Variants in GTF2I observed in about 807,000 individuals in gnomAD.
GTF2I encodes the protein general transcription factor IIi.
In GTF2I, 12 loss-of-function variants were observed where a neutral mutation model predicts 67.6. The ratio of observed to expected loss-of-function variants is 0.18; its 90% CI spans 0.11 to 0.29. The LOEUF is 0.29. Among genes scored for constraint, GTF2I ranks in the 10% least tolerant of loss-of-function variants. GTF2I has a pLI of 1.00. For missense variants in GTF2I, 271 were observed against 580.1 expected, an observed-to-expected ratio of 0.47 and a Z score of 5.47; for synonymous variants, 149 against 197.0, an observed-to-expected ratio of 0.76 and a Z score of 2.04.
intron 1 of GTF2I, among the ~76,000 whole-genome samples, chr7:74,673,141 T>C (rs68008267): frequency 0.86 from 130,739 of 152,150 alleles, 56,448 homozygotes; most frequent in East Asian, 0.98. Flanking sequence ...ATTACAGGCC[T>C]GAGCCACTGC....
intron 3 of GTF2I, among the ~76,000 whole-genome samples, chr7:74,693,511 A>G (rs1452665609): frequency 7.2e-5 from 11 of 151,954 alleles, no homozygotes; most frequent in African/African-American, 2.7e-4. Context: ...GTCCCCCATC[A>G]TTCCCTTTCC....
intron 9 of GTF2I, 42 bp from the exon 10 acceptor site, chr7:74,714,815 T>TTG: frequency 7.3e-7 from 1 of 1,371,682 alleles, no homozygotes; most frequent in Non-Finnish European, 1.0e-6. Flanking sequence ...CATTTTTTTT[T>TTG]GGGGGGGATT....
chr7:74,707,006 C>G (rs1401914086), intron 8 of GTF2I, among the ~76,000 whole-genome samples: 3 of 152,178 alleles, frequency 2.0e-5, no homozygotes, highest in Non-Finnish European at 4.4e-5. Context: ...TACGCCATCA[C>G]GCACGACTAA....
intron 1 of GTF2I, among the ~76,000 whole-genome samples, chr7:74,659,072 T>C (rs1178009251): frequency 1.3e-5 from 2 of 150,964 alleles, no homozygotes; most frequent in Non-Finnish European, 3.0e-5. Context: ...TCTTGCTGAC[T>C]ACTGACCTCC....
At position 74,707,366 on chromosome 7, in the gene GTF2I, G is replaced by A. The variant is rs587633097; in HGVS notation, c.685+933G>A. On this transcript the variant is annotated intron_variant, in intron 8 of 34. Coordinates refer to ENST00000573035, the MANE Select transcript of GTF2I (RefSeq NM_032999.4). ...TCTCCCTCTGTCTGACCAGGCCCTC[G>A]GCAGCTTCCCCAGCCCCTTCCCCGG... Among the ~76,000 whole-genome samples, 130 of 152,154 alleles carry A rather than the reference G, an allele frequency of 8.5e-4. No individual in the cohort carries two copies. The South Asian group carries it at 0.02, about 24-fold the overall frequency.
At chr7:74,705,312 C>T (rs1211605549) in intron 7 of GTF2I, 94 bp downstream of exon 7, 3 of 760,830 alleles carry the variant, frequency 3.9e-6, no homozygotes, top group Non-Finnish European at 6.9e-6. Flanking sequence ...AAAAAGGCCT[C>T]ATGTCACACA....
At chr7:74,662,204 C>CTTTTTT (rs59914241) in intron 1 of GTF2I, among the ~76,000 whole-genome samples, 3 of 82,596 alleles carry the variant, frequency 3.6e-5, no homozygotes, top group Non-Finnish European at 6.5e-5. Flanking sequence ...TTTTTTCTTT[C>CTTTTTT]TTTTTTTTTT....
intron 6 of GTF2I, 22 bp from the exon 7 acceptor site, chr7:74,705,141 CA>C: frequency 1.4e-5 from 20 of 1,477,176 alleles, no homozygotes; most frequent in Non-Finnish European, 1.9e-5. Context: ...AAACTAACTC[CA>C]ATTTTTTTTT....
intron 3 of GTF2I, among the ~76,000 whole-genome samples, chr7:74,692,305 C>T (rs1458740915): frequency 1.3e-5 from 2 of 150,708 alleles, no homozygotes; most frequent in African/African-American, 2.4e-5. Context: ...GAGCTCCTGA[C>T]CCGAGGAGCC....
chr7:74,712,762 C>G (rs1296438169), intron 9 of GTF2I, among the ~76,000 whole-genome samples: 1 of 149,986 alleles, frequency 6.7e-6, no homozygotes, highest in Non-Finnish European at 1.5e-5. Flanking sequence ...TTGCCGGGTT[C>G]AAGCAATTCT....
chr7:74,703,431 G>A (rs1790106083), intron 6 of GTF2I, among the ~76,000 whole-genome samples: 1 of 149,698 alleles, frequency 6.7e-6, no homozygotes, highest in African/African-American at 2.5e-5. Flanking sequence ...CCAGGCTGGA[G>A]TGCGGTGGCA....
In GTF2I at chr7:74,691,167, T is replaced by C. The variant is rs587699630; in HGVS notation, c.238+56T>C. ...CATTAATTTTAAGCCTAAATATTTG[T>C]AGGTAAGACAAGTTATATTATTTTC... On this transcript the variant is annotated intron_variant, in intron 3 of 34. Coordinates refer to ENST00000573035, the MANE Select transcript of GTF2I (RefSeq NM_032999.4). The C allele has an allele frequency of 4.0e-6, 5 of 1,241,572 alleles. No homozygotes were observed. In the Admixed American group the frequency reaches 8.8e-5, roughly 22 times the overall value. 76.9% of individuals were successfully genotyped at this position (1,241,572 alleles called of 1,614,324 possible).
At position 74,704,255 on chromosome 7, in the gene GTF2I, A is replaced by T. The variant is rs1025756749; in HGVS notation, c.587-909A>T. Reference sequence around the variant, plus strand: ...TTTCAGACTTAAAAGTTTTTTTTAAACTTAATTATTATTTTTATTTATTTA... The same window carrying T: ...TTTCAGACTTAAAAGTTTTTTTTAATCTTAATTATTATTTTTATTTATTTA... On this transcript the variant is annotated intron_variant, in intron 6 of 34. Coordinates refer to ENST00000573035, the MANE Select transcript of GTF2I (RefSeq NM_032999.4). Among the ~76,000 whole-genome samples, 27 of 109,518 alleles carry T rather than the reference A, an allele frequency of 2.5e-4. 1 individual carries two copies. The South Asian group carries it at 3.5e-3, about 14-fold the overall frequency. 71.8% of individuals were successfully genotyped at this position (109,518 alleles called of 152,430 possible). A position where few individuals can be genotyped will look rare whatever the true frequency, so the allele number is the denominator to read the frequency against.
intron 3 of GTF2I, among the ~76,000 whole-genome samples, chr7:74,697,701 C>G (rs1729655896): frequency 6.6e-6 from 1 of 152,174 alleles, no homozygotes; most frequent in African/African-American, 2.4e-5. Flanking sequence ...TTTCATATTA[C>G]TTTCATTCAT....
At position 74,661,783 on chromosome 7, in the gene GTF2I, C is replaced by T. The variant is rs118077281; in HGVS notation, c.-6+3715C>T. Among the ~76,000 whole-genome samples, 951 of 152,200 alleles carry T rather than the reference C, an allele frequency of 6.2e-3. 8 individuals are homozygous for T. The highest frequency in any genetic ancestry group is 0.054 in the Middle Eastern group (16 of 294). Reference sequence around the variant, plus strand: ...GCTGAGAGTTGAGAATTCCTGTTAGCCATGATTAGAAAAGTTAAAAGTTTC... The same window carrying T: ...GCTGAGAGTTGAGAATTCCTGTTAGTCATGATTAGAAAAGTTAAAAGTTTC... On this transcript the variant is annotated intron_variant, in intron 1 of 34. Transcript: ENST00000573035.
rs587730369 is a variant in GTF2I at position 74,664,904 on chromosome 7, C to T, written c.-6+6836C>T. On this transcript the variant is annotated intron_variant, in intron 1 of 34. Transcript: ENST00000573035. The stretch of plus-strand genomic sequence containing the variant: ...CCTTGCCGTTTCCTGCCTGTGCGAC[C>T]TTGGGCATTTCACTTCATCTTTGTA... 2.0e-5 allele frequency among the ~76,000 whole-genome samples: 3 copies of T among 151,982 alleles called. No individual in the cohort carries two copies. In the South Asian group the frequency reaches 6.2e-4, roughly 32 times the overall value.
At chr7:74,704,978 A>C (rs1277514174) in intron 6 of GTF2I, among the ~76,000 whole-genome samples, 186 bp from the exon 7 acceptor site, 2 of 152,124 alleles carry the variant, frequency 1.3e-5, no homozygotes, top group Non-Finnish European at 2.9e-5. Flanking sequence ...CTCACTGATG[A>C]AAATAAGAGC....
intron 1 of GTF2I, among the ~76,000 whole-genome samples, chr7:74,667,357 C>T (rs918901761): frequency 1.3e-5 from 2 of 151,996 alleles, no homozygotes; most frequent in African/African-American, 2.4e-5. Flanking sequence ...AAAAGAAAAT[C>T]CTGTAAGATG....
chr7:74,706,828 T>A (rs1554401552), intron 8 of GTF2I, among the ~76,000 whole-genome samples: 1 of 152,188 alleles, frequency 6.6e-6, no homozygotes, highest in African/African-American at 2.4e-5. Flanking sequence ...AATTCTCAAA[T>A]AAAATTGCTA....
Sources: allele counts gnomAD v4.1 joint callset (sites outside exome capture counted in the v4.1 genomes callset), GRCh38; gene constraint gnomAD v4.1.1; transcripts MANE v1.5; gene names NCBI Gene and HGNC (gene_info 2026-07-23, HGNC 2026-07-21).